Variants in DNAL1 observed in about 807,000 individuals in gnomAD.
The protein encoded by DNAL1 is chromosome 14 open reading frame 168.
A neutral mutation model predicts 29.4 loss-of-function variants in DNAL1; 17 were observed. The ratio of observed to expected loss-of-function variants is 0.58; its 90% CI spans 0.40 to 0.87. The LOEUF (loss-of-function observed/expected upper bound fraction) is 0.87. DNAL1 is among the 40% of genes least tolerant of loss of function. The pLI is 0.00. For synonymous variants in DNAL1, 78 were observed against 76.3 expected (o/e 1.02, Z -0.12); for missense variants, 188 against 214.1 (o/e 0.88, Z 0.76).
chr14:73,690,182 A>T (rs1167855296), intron 7 of DNAL1, among the ~76,000 whole-genome samples: 1 of 152,178 alleles, frequency 6.6e-6, no homozygotes, highest in African/African-American at 2.4e-5. Flanking sequence ...CCTTTGCAAT[A>T]TAGTGAGAAA....
intron 5 of DNAL1, among the ~76,000 whole-genome samples, chr14:73,685,888 G>A (rs928675180): frequency 2.6e-5 from 4 of 152,120 alleles, no homozygotes; most frequent in African/African-American, 9.7e-5. Flanking sequence ...TTGCTACTGT[G>A]AACATGGGCG....
In DNAL1 at chr14:73,697,276, G is replaced by A. The variant is rs990665332; in HGVS notation, c.*1334G>A. The A allele has an allele frequency of 6.6e-6, 1 of 152,162 alleles. No homozygotes were observed. The highest frequency in any genetic ancestry group is 1.5e-5 in the Non-Finnish European group (1 of 68,028). The allele number at this position is 152,162 out of a possible 1,614,324, so 9.4% of individuals were successfully genotyped here. A position where few individuals can be genotyped will look rare whatever the true frequency, so the allele number is the denominator to read the frequency against. ...GATTCTGGTTTCCCCATCTACTTGT[G>A]TGATTTTACTTGCATAAAATCACAG... On this transcript the variant is annotated 3_prime_UTR_variant, in exon 8 of 8. Coordinates refer to ENST00000553645, the MANE Select transcript of DNAL1 (RefSeq NM_031427.4).
Position 73,696,857 on chromosome 14 carries a change from C to T in DNAL1, c.*915C>T, listed in dbSNP as rs1169987005. The T allele has an allele frequency of 6.6e-6, 1 of 152,070 alleles. No individual in the cohort carries two copies. The highest frequency in any genetic ancestry group is 1.5e-5 in the Non-Finnish European group (1 of 68,014). The allele number at this position is 152,070 out of a possible 1,614,324, so 9.4% of individuals were successfully genotyped here. ...CCTCATTGTTGGGAAAAGTGACTAC[C>T]ATGGTTATAAGTAAGGGTATAATGA... On this transcript the variant is annotated 3_prime_UTR_variant, in exon 8 of 8. Coordinates refer to ENST00000553645, the MANE Select transcript of DNAL1 (RefSeq NM_031427.4).
At chr14:73,666,859 C>T (rs1478198157) in intron 4 of DNAL1, among the ~76,000 whole-genome samples, 1 of 152,074 alleles carries the variant, frequency 6.6e-6, no homozygotes, top group Admixed American at 6.6e-5. Flanking sequence ...GATACTGTCC[C>T]CCTTGATTTC....
chr14:73,672,091 T>C lies in DNAL1; in HGVS notation c.264+494T>C, dbSNP rs1446565744. ...CGTAAGAGGCAGTGGGGAGCTGAAA[T>C]TGCAGTGGTTTCCAACAGTAACCTC... On this transcript the variant is annotated intron_variant, in intron 5 of 7. Coordinates refer to ENST00000553645, the MANE Select transcript of DNAL1 (RefSeq NM_031427.4). 2.0e-5 allele frequency among the ~76,000 whole-genome samples: 3 copies of C among 152,072 alleles called. 1 individual carries two copies. Among genetic ancestry groups the C allele is most frequent in the East Asian group, 3.9e-4 (2 of 5,192 alleles).
At chr14:73,678,944 C>A (rs1482158367) in intron 5 of DNAL1, among the ~76,000 whole-genome samples, 1 of 152,126 alleles carries the variant, frequency 6.6e-6, no homozygotes, top group Non-Finnish European at 1.5e-5. Context: ...ATAGCTGTTA[C>A]TTCTGGGCAA....
chr14:73,645,110 A>G, intron 1 of DNAL1, 68 bp downstream of exon 1: 2 of 1,582,650 alleles, frequency 1.3e-6, no homozygotes, highest in Non-Finnish European at 1.7e-6. Context: ...GTGACTGTGG[A>G]GTGTTGAGGG....
chr14:73,647,364 C>CAAAAAAAA (rs199974495), intron 1 of DNAL1, among the ~76,000 whole-genome samples: 7 of 92,668 alleles, frequency 7.6e-5, no homozygotes, highest in South Asian at 4.0e-4. Flanking sequence ...GACTCTGTCT[C>CAAAAAAAA]AAAAAAAAAA....
At position 73,676,546 on chromosome 14, in the gene DNAL1, A is replaced by C. The variant is rs555261657; in HGVS notation, c.264+4949A>C. ...CAACAATATATCAATAATATCCTTC[A>C]ATGTCAATACATGCAGATTTAATAC... On this transcript the variant is annotated intron_variant, in intron 5 of 7. Transcript: ENST00000553645. 1.1e-4 allele frequency among the ~76,000 whole-genome samples: 17 copies of C among 152,282 alleles called. 1 individual carries two copies. Among genetic ancestry groups the C allele is most frequent in the Admixed American group, 1.1e-3 (17 of 15,278 alleles).
In DNAL1 at chr14:73,676,651, G is replaced by A. The variant is rs1036429891; in HGVS notation, c.264+5054G>A. On this transcript the variant is annotated intron_variant, in intron 5 of 7. Transcript: ENST00000553645. ...CTATTCCTATACTGCTGGGCATTTC[G>A]ATTATTTCCAGGTTTTTTTTTCTTG... is the stretch of plus-strand genomic sequence containing the variant. 3.3e-5 allele frequency among the ~76,000 whole-genome samples: 5 copies of A among 151,862 alleles called. 1 individual carries two copies. Among genetic ancestry groups the A allele is most frequent in the Non-Finnish European group, 7.4e-5 (5 of 68,000 alleles).
At chr14:73,661,597 T>C (rs1326115260) in intron 3 of DNAL1, among the ~76,000 whole-genome samples, 1 of 151,900 alleles carries the variant, frequency 6.6e-6, no homozygotes, top group Non-Finnish European at 1.5e-5. Context: ...ATACAAAAAT[T>C]AGCCAGGCAT....
chr14:73,687,485 C>A, intron 6 of DNAL1, 100 bp downstream of exon 6: 2 of 1,329,136 alleles, frequency 1.5e-6, no homozygotes, highest in Non-Finnish European at 2.0e-6. Flanking sequence ...TTTCTAAGCA[C>A]AGAGAGAAAG....
intron 7 of DNAL1, among the ~76,000 whole-genome samples, chr14:73,694,705 T>C (rs1474530089): frequency 6.6e-6 from 1 of 152,058 alleles, no homozygotes. Flanking sequence ...TTTTTTTTTT[T>C]TTGAGATGGA....
chr14:73,655,034 A>T, intron 2 of DNAL1, 149 bp downstream of exon 2: 1 of 779,034 alleles, frequency 1.3e-6, no homozygotes, highest in Non-Finnish European at 2.0e-6. Flanking sequence ...ATGAACTTAC[A>T]CATATGATAA....
chr14:73,663,202 ATTTT>A (rs58367000), intron 4 of DNAL1, among the ~76,000 whole-genome samples: 1 of 125,150 alleles, frequency 8.0e-6, no homozygotes, highest in Admixed American at 8.4e-5. Flanking sequence ...GGTCCCAGTA[ATTTT>A]TTTTTTTTTT....
intron 5 of DNAL1, among the ~76,000 whole-genome samples, chr14:73,684,568 A>G (rs1891966936): frequency 6.6e-6 from 1 of 152,140 alleles, no homozygotes. Context: ...ATACAGAGCA[A>G]TAATCATCAT....
chr14:73,700,430 T>C lies in DNAL1; in HGVS notation c.*4488T>C, dbSNP rs1161358700. 3 of 152,216 alleles carry C rather than the reference T, an allele frequency of 2.0e-5. No individual in the cohort carries two copies. The highest frequency in any genetic ancestry group is 7.2e-5 in the African/African-American group (3 of 41,458). The allele number at this position is 152,216 out of a possible 1,614,324, so 9.4% of individuals were successfully genotyped here. A position where few individuals can be genotyped will look rare whatever the true frequency, so the allele number is the denominator to read the frequency against. ...AATAAACACTTCTTTTGACACCTTT[T>C]ACCAGTGGTCTGAAGCAGAATAAGG... On this transcript the variant is annotated 3_prime_UTR_variant, in exon 8 of 8. Coordinates refer to ENST00000553645, the MANE Select transcript of DNAL1 (RefSeq NM_031427.4).
intron 2 of DNAL1, 85 bp downstream of exon 2, chr14:73,654,970 A>C (rs999297378): frequency 2.4e-5 from 33 of 1,346,966 alleles, no homozygotes; most frequent in Non-Finnish European, 3.3e-5. Flanking sequence ...TTTAATACAA[A>C]GGATCCTTTT....
chr14:73,683,603 C>T (rs1206418025), intron 5 of DNAL1, among the ~76,000 whole-genome samples: 1 of 151,920 alleles, frequency 6.6e-6, no homozygotes, highest in Admixed American at 6.6e-5. Flanking sequence ...AACTTATTCC[C>T]ATCCTCCCCT....
Sources: allele counts gnomAD v4.1 joint callset (sites outside exome capture counted in the v4.1 genomes callset), GRCh38; gene constraint gnomAD v4.1.1; transcripts MANE v1.5; gene names NCBI Gene and HGNC (gene_info 2026-07-23, HGNC 2026-07-21).